Variants in GOLM2 observed in about 807,000 individuals in gnomAD.
GOLM2 encodes protein GOLM2.
A neutral mutation model predicts 55.9 loss-of-function variants in GOLM2; 26 were observed. The observed-to-expected ratio is 0.47, with a 90% CI of 0.34 to 0.65. The LOEUF (loss-of-function observed/expected upper bound fraction) is 0.65. Among genes scored for constraint, GOLM2 ranks in the 30% least tolerant of loss-of-function variants. The pLI is 0.01. For synonymous variants in GOLM2, 165 were observed against 194.6 expected, an observed-to-expected ratio of 0.85 and a Z score of 1.27; for missense variants, 486 against 531.8, an observed-to-expected ratio of 0.91 and a Z score of 0.85.
intron 6 of GOLM2, among the ~76,000 whole-genome samples, chr15:44,354,222 A>G (rs1161314826): frequency 2.7e-5 from 4 of 150,854 alleles, no homozygotes; most frequent in African/African-American, 9.7e-5. Context: ...ACTCACCAAG[A>G]TAGACCATAA....
chr15:44,338,683 G>A (rs1289737298), intron 6 of GOLM2, among the ~76,000 whole-genome samples: 1 of 152,096 alleles, frequency 6.6e-6, no homozygotes, highest in Non-Finnish European at 1.5e-5. Flanking sequence ...TTGTTGGTGT[G>A]CTTTAATATG....
rs1491095871 is a variant in GOLM2, at chr15:44,369,067, T to TTTTA, written c.803-10622_803-10621insTTAT. On this transcript the variant is annotated intron_variant, in intron 6 of 9. Transcript: ENST00000299957. ...AGATATATACATATAATAGGATATA[T>TTTTA]TATATATATATATATATATATATAT... Among the ~76,000 whole-genome samples, 210 of 22,976 alleles carry TTTTA rather than the reference T, an allele frequency of 9.1e-3. 14 individuals are homozygous for TTTTA. Among genetic ancestry groups the TTTTA allele is most frequent in the African/African-American group, 0.031 (205 of 6,532 alleles). 15.1% of individuals were successfully genotyped at this position (22,976 alleles called of 152,430 possible).
chr15:44,321,262 G>C (rs1192541540), intron 1 of GOLM2, among the ~76,000 whole-genome samples: 1 of 151,920 alleles, frequency 6.6e-6, no homozygotes, highest in South Asian at 2.1e-4. Flanking sequence ...GCTTAAGCCC[G>C]GGAGTTCAAG....
At chr15:44,367,591 C>A (rs1476129536) in intron 6 of GOLM2, among the ~76,000 whole-genome samples, 1 of 151,818 alleles carries the variant, frequency 6.6e-6, no homozygotes, top group Non-Finnish European at 1.5e-5. Context: ...GTCAAGAGAT[C>A]CAAGACCATC....
At chr15:44,322,603 G>A (rs2141130666) in intron 1 of GOLM2, among the ~76,000 whole-genome samples, 1 of 152,238 alleles carries the variant, frequency 6.6e-6, no homozygotes, top group East Asian at 1.9e-4. Context: ...TGACTGGTAA[G>A]CCTTTGAGTC....
At chr15:44,338,811 T>A (rs2079073721) in intron 6 of GOLM2, among the ~76,000 whole-genome samples, 1 of 152,192 alleles carries the variant, frequency 6.6e-6, no homozygotes. Flanking sequence ...TTTCTTCTTT[T>A]CTGGCCACTT....
intron 8 of GOLM2, among the ~76,000 whole-genome samples, chr15:44,400,951 A>G (rs2079561234): frequency 6.6e-6 from 1 of 152,132 alleles, no homozygotes; most frequent in Non-Finnish European, 1.5e-5. Flanking sequence ...TCTTTACCCA[A>G]CAATTAGAAA....
intron 6 of GOLM2, among the ~76,000 whole-genome samples, chr15:44,350,976 C>A (rs1403009376): frequency 6.6e-6 from 1 of 152,106 alleles, no homozygotes; most frequent in Non-Finnish European, 1.5e-5. Flanking sequence ...GAAGAACATA[C>A]CTCAACATAA....
chr15:44,411,877 G>A (rs1472939439), intron 9 of GOLM2, among the ~76,000 whole-genome samples: 4 of 151,622 alleles, frequency 2.6e-5, no homozygotes, highest in African/African-American at 4.8e-5. Context: ...ACTCTCCAAG[G>A]CTCTCATCAA....
intron 9 of GOLM2, among the ~76,000 whole-genome samples, chr15:44,404,423 TCATATGTG>T (rs2079584715): frequency 6.6e-6 from 1 of 152,118 alleles, no homozygotes; most frequent in Non-Finnish European, 1.5e-5. Context: ...GAAAAGAGAT[TCATATGTG>T]CTAGGAGTTA....
chr15:44,367,090 T>A (rs573535389), intron 6 of GOLM2, among the ~76,000 whole-genome samples: 26 of 152,236 alleles, frequency 1.7e-4, no homozygotes, highest in African/African-American at 5.8e-4. Flanking sequence ...TTTGTTTTAA[T>A]AAATAAAATT....
chr15:44,305,882 G>A (rs1454627898), intron 1 of GOLM2, among the ~76,000 whole-genome samples: 3 of 152,130 alleles, frequency 2.0e-5, no homozygotes, highest in African/African-American at 7.2e-5. Context: ...TTTTTTTTAA[G>A]TAGTATATCT....
intron 6 of GOLM2, 80 bp downstream of exon 6, chr15:44,338,397 C>A: frequency 1.9e-6 from 2 of 1,034,748 alleles, no homozygotes; most frequent in Non-Finnish European, 2.9e-6. Context: ...TTCGGTAACA[C>A]TTGGAAAAGT....
intron 8 of GOLM2, among the ~76,000 whole-genome samples, chr15:44,388,616 G>A (rs1167227838): frequency 2.6e-5 from 4 of 152,066 alleles, no homozygotes. Context: ...AGAGGCTGCA[G>A]TAAGCCATGA....
At chr15:44,370,079 C>A (rs185729378) in intron 6 of GOLM2, among the ~76,000 whole-genome samples, 1 of 152,116 alleles carries the variant, frequency 6.6e-6, no homozygotes, top group African/African-American at 2.4e-5. Context: ...CACCTTTTCT[C>A]GTTTTTCTGC....
chr15:44,298,908 A>C (rs2078777238), intron 1 of GOLM2, among the ~76,000 whole-genome samples: 1 of 152,212 alleles, frequency 6.6e-6, no homozygotes, highest in African/African-American at 2.4e-5. Flanking sequence ...CCCCTATTCC[A>C]TTATAACTGG....
At chr15:44,309,439 T>C (rs774434292) in intron 1 of GOLM2, among the ~76,000 whole-genome samples, 9 of 152,156 alleles carry the variant, frequency 5.9e-5, no homozygotes, top group African/African-American at 1.7e-4. Flanking sequence ...ATATATACAA[T>C]CTTTAATTGT....
chr15:44,289,797 A>G lies in GOLM2; in HGVS notation c.327+441A>G, dbSNP rs1332587917. 3.9e-5 allele frequency among the ~76,000 whole-genome samples: 6 copies of G among 152,222 alleles called. No individual in the cohort carries two copies. Among genetic ancestry groups the G allele is most frequent in the African/African-American group, 1.4e-4 (6 of 41,454 alleles). On this transcript the variant is annotated intron_variant, in intron 1 of 9. Transcript: ENST00000299957. This position sits in a 1 kb window ranked among gnomAD's most constrained non-coding sequence, Gnocchi z 4.8. ...GAAGCCGCCTCTGACTCCTCTACTTATGGTAGTCATCATATATTTTTTAAG... is the reference window on the plus strand; with the variant it reads ...GAAGCCGCCTCTGACTCCTCTACTTGTGGTAGTCATCATATATTTTTTAAG...
chr15:44,329,899 C>CTTTT (rs777520089), intron 3 of GOLM2, among the ~76,000 whole-genome samples: 1 of 126,944 alleles, frequency 7.9e-6, no homozygotes, highest in Admixed American at 8.1e-5. Context: ...GAGAACTTGT[C>CTTTT]TTTTTTTTTT....
Sources: gnomAD v4.1 joint callset for allele counts (sites outside exome capture counted in the v4.1 genomes callset) on GRCh38, gnomAD v4.1.1 for gene constraint, Gnocchi (gnomAD v3.1) non-coding constraint, MANE v1.5 for transcripts, NCBI Gene and HGNC (gene_info 2026-07-23, HGNC 2026-07-21) for gene names.